ZDHHC13: variants seen among roughly 807,000 people sequenced by gnomAD.
ZDHHC13 encodes palmitoyltransferase ZDHHC13.
A neutral mutation model predicts 86.0 loss-of-function variants in ZDHHC13; 85 were observed. The observed-to-expected ratio is 0.99, with a 90% CI of 0.83 to 1.18. The LOEUF is 1.18. ZDHHC13 is among the 50% of genes most tolerant of loss of function. The pLI, the probability that ZDHHC13 is intolerant of heterozygous loss-of-function variation, is 0.00. For synonymous variants in ZDHHC13, 263 were observed against 246.4 expected (o/e 1.07, Z -0.63); for missense variants, 711 against 730.2 (o/e 0.97, Z 0.30).
At chr11:19,147,746 A>C in intron 4 of ZDHHC13, 73 bp downstream of exon 4, 1 of 1,105,774 alleles carries the variant, frequency 9.0e-7, no homozygotes, top group Non-Finnish European at 1.3e-6. Flanking sequence ...AATCAGTTAT[A>C]GACGATTTGA....
chr11:19,152,432 A>G (rs1020190294), intron 7 of ZDHHC13, 112 bp downstream of exon 7: 9 of 1,449,748 alleles, frequency 6.2e-6, no homozygotes, highest in Admixed American at 2.6e-5. Context: ...AGATAGATAT[A>G]AATGATAATA....
At position 19,155,948 on chromosome 11, in the gene ZDHHC13, G is replaced by C. The variant is rs184280863; in HGVS notation, c.1007+19G>C. ...TTCCAAGGTGTGTATGTTAATTTTT[G>C]CAAGGCTGGTTATTGTGTTTCTGAT... is the stretch of plus-strand genomic sequence containing the variant. On this transcript the variant is annotated intron_variant, in intron 9 of 16. Transcript: ENST00000446113. 1 of 1,586,298 alleles carries C rather than the reference G, an allele frequency of 6.3e-7. No homozygotes were observed. The highest frequency in any genetic ancestry group is 8.5e-7 in the Non-Finnish European group (1 of 1,172,852).
At chr11:19,155,690 TATTA>T (rs1231559914) in intron 8 of ZDHHC13, 102 bp from the exon 9 acceptor site, 2 of 1,209,720 alleles carry the variant, frequency 1.7e-6, no homozygotes, top group South Asian at 1.6e-5. Flanking sequence ...TTTGTTGTTG[TATTA>T]ATTGTTATTA....
intron 9 of ZDHHC13, among the ~76,000 whole-genome samples, chr11:19,157,830 A>G (rs1849799767): frequency 6.6e-6 from 1 of 152,220 alleles, no homozygotes; most frequent in Admixed American, 6.5e-5. Flanking sequence ...AACTTTATTC[A>G]TACATCCCTT....
intron 1 of ZDHHC13, among the ~76,000 whole-genome samples, chr11:19,119,048 G>T (rs931300143): frequency 6.6e-6 from 1 of 152,192 alleles, no homozygotes; most frequent in Non-Finnish European, 1.5e-5. Flanking sequence ...TCCAAGATCG[G>T]TGCTGTTGGA....
intron 10 of ZDHHC13, among the ~76,000 whole-genome samples, chr11:19,161,330 G>C (rs1849905551): frequency 6.6e-6 from 1 of 151,968 alleles, no homozygotes; most frequent in Admixed American, 6.6e-5. Context: ...TAGTTTTTCT[G>C]TAAATTGGAG....
At chr11:19,147,774 C>CCG (rs1849505300) in intron 4 of ZDHHC13, 101 bp downstream of exon 4, 1 of 710,426 alleles carries the variant, frequency 1.4e-6, no homozygotes. Flanking sequence ...TCTTTTCTTC[C>CCG]CCCCCCCCCT....
Position 19,170,550 on chromosome 11 carries a change from A to G in ZDHHC13, c.1614A>G (p.Leu538=). 3 of 1,526,870 alleles carry G rather than the reference A, an allele frequency of 2.0e-6. No homozygotes were observed. The highest frequency in any genetic ancestry group is 2.6e-6 in the Non-Finnish European group (3 of 1,141,424). 94.6% of individuals were successfully genotyped at this position (1,526,870 alleles called of 1,614,324 possible). The change falls in exon 15 of 17, where the codon TTA becomes TTG. Residue 538 remains leucine (L), a synonymous_variant. Transcript: ENST00000446113. Reference sequence around the variant, plus strand: ...ATTTCTCATGGTCAACATTTTTATTATTAAATCAACTCTTTCAGGTATTTA... The same window carrying G: ...ATTTCTCATGGTCAACATTTTTATTGTTAAATCAACTCTTTCAGGTATTTA... ...TFHFSWSTFL[L]LNQLFQIAFL...
Position 19,172,628 on chromosome 11 carries a change from A to G in ZDHHC13, c.1633-95A>G, listed in dbSNP as rs1004340587. 2.0e-5 allele frequency: 19 copies of G among 943,968 alleles called. No individual in the cohort carries two copies. In the African/African-American group the frequency reaches 3.0e-4, roughly 15 times the overall value. 58.5% of individuals were successfully genotyped at this position (943,968 alleles called of 1,614,324 possible). On this transcript the variant is annotated intron_variant, in intron 15 of 16. Transcript: ENST00000446113. ...AAGGAGATACTAAGGAGAACACACA[A>G]ATTGAGATAATTGCACTGATACTGA...
rs117203854 is a variant in ZDHHC13 at position 19,132,750 on chromosome 11, G to A, written c.28-10228G>A. The stretch of plus-strand genomic sequence containing the variant: ...GGGGTGATGGTGGGGCTCACCTTGT[G>A]TATTTGTTTTGTTTTGTTTTTTTCT... On this transcript the variant is annotated intron_variant, in intron 1 of 16. Transcript: ENST00000446113. Among the ~76,000 whole-genome samples, 203 of 151,978 alleles carry A rather than the reference G, an allele frequency of 1.3e-3. 1 individual carries two copies. In the East Asian group the frequency reaches 0.035, roughly 26 times the overall value.
intron 1 of ZDHHC13, among the ~76,000 whole-genome samples, chr11:19,131,726 C>T (rs924498298): frequency 6.6e-6 from 1 of 151,988 alleles, no homozygotes; most frequent in South Asian, 2.1e-4. Flanking sequence ...AACTGCCTCC[C>T]AGGTTCAAGT....
chr11:19,124,759 G>A (rs1848835020), intron 1 of ZDHHC13, among the ~76,000 whole-genome samples: 1 of 146,956 alleles, frequency 6.8e-6, no homozygotes, highest in Non-Finnish European at 1.5e-5. Context: ...TTCTGCGTGT[G>A]TGTGGGGGGG....
intron 1 of ZDHHC13, among the ~76,000 whole-genome samples, chr11:19,128,775 A>G (rs1249025993): frequency 1.3e-5 from 2 of 152,216 alleles, no homozygotes; most frequent in African/African-American, 4.8e-5. Context: ...AGGTAACTTT[A>G]TTGATGGTAA....
intron 1 of ZDHHC13, among the ~76,000 whole-genome samples, chr11:19,136,014 G>A (rs1423337811): frequency 2.0e-5 from 3 of 152,220 alleles, no homozygotes; most frequent in East Asian, 1.9e-4. Context: ...AAAGCAGAGC[G>A]CCTCTCCTCC....
At chr11:19,166,594 G>A (rs1850077124) in intron 14 of ZDHHC13, 3 of 376,628 alleles carry the variant, frequency 8.0e-6, no homozygotes, top group Non-Finnish European at 9.4e-6. Flanking sequence ...GGAAAAAAAT[G>A]TGATAAATTT....
chr11:19,136,831 T>C (rs1849156444), intron 1 of ZDHHC13, among the ~76,000 whole-genome samples: 1 of 150,522 alleles, frequency 6.6e-6, no homozygotes, highest in Non-Finnish European at 1.5e-5. Context: ...GCTTCATAAG[T>C]GAAGGAGAAA....
chr11:19,137,815 G>T (rs1221944532), intron 1 of ZDHHC13, among the ~76,000 whole-genome samples: 1 of 152,144 alleles, frequency 6.6e-6, no homozygotes, highest in Non-Finnish European at 1.5e-5. Flanking sequence ...ATGACTATTG[G>T]GTACATAACA....
chr11:19,119,643 T>C (rs1455308997), intron 1 of ZDHHC13, among the ~76,000 whole-genome samples: 1 of 152,250 alleles, frequency 6.6e-6, no homozygotes, highest in African/African-American at 2.4e-5. Context: ...CCTCCTTCCT[T>C]GCTTTAGATT....
At chr11:19,170,137 G>T in intron 14 of ZDHHC13, 1 of 1,254,206 alleles carries the variant, frequency 8.0e-7, no homozygotes, top group Non-Finnish European at 1.0e-6. Flanking sequence ...GCTGAATGCT[G>T]ATTTTAGTAA....
Sources: allele counts gnomAD v4.1 joint callset (sites outside exome capture counted in the v4.1 genomes callset), GRCh38; gene constraint gnomAD v4.1.1; transcripts MANE v1.5; gene names NCBI Gene and HGNC (gene_info 2026-07-23, HGNC 2026-07-21).